The following CLASRP variants were observed in gnomAD, a reference collection of about 807,000 sequenced individuals.
The protein encoded by CLASRP is CLK4-associating serine/arginine rich protein.
A neutral mutation model predicts 99.9 loss-of-function variants in CLASRP; 52 were observed. The observed-to-expected ratio is 0.52, with a 90% CI of 0.42 to 0.66. CLASRP has a LOEUF of 0.66. Among genes scored for constraint, CLASRP ranks in the 30% least tolerant of loss-of-function variants. The pLI, the probability that CLASRP is intolerant of heterozygous loss-of-function variation, is 0.00. For synonymous variants in CLASRP, 379 were observed against 373.0 expected, an observed-to-expected ratio of 1.02 and a Z score of -0.18; for missense variants, 848 against 999.2, an observed-to-expected ratio of 0.85 and a Z score of 2.04.
At position 45,040,564 on chromosome 19, in the gene CLASRP, T is replaced by A. The variant is rs113409053; in HGVS notation, c.99+253T>A. 1,725 of 379,572 alleles carry A rather than the reference T, an allele frequency of 4.5e-3. 27 individuals carry two copies. Among genetic ancestry groups the A allele is most frequent in the African/African-American group, 0.033 (1,593 of 48,194 alleles). 23.5% of individuals were successfully genotyped at this position (379,572 alleles called of 1,614,324 possible). ...TTAGCAAGAAAAAGGGAAGTCTCTG[T>A]AACCCTCAGAGCAGTCCTGACGTTA... On this transcript the variant is annotated intron_variant, in intron 2 of 20. Coordinates refer to ENST00000221455, the MANE Select transcript of CLASRP (RefSeq NM_007056.3).
chr19:45,051,014 C>T (rs538406352), intron 2 of CLASRP, among the ~76,000 whole-genome samples: 4 of 151,812 alleles, frequency 2.6e-5, no homozygotes, highest in Admixed American at 2.0e-4. Context: ...CCACTATGCC[C>T]GACCCACTGC....
chr19:45,056,646 G>A, intron 6 of CLASRP, 112 bp downstream of exon 6: 4 of 852,202 alleles, frequency 4.7e-6, no homozygotes, highest in Non-Finnish European at 7.8e-6. Flanking sequence ...ACCAAGGATG[G>A]TGTTCAGCAC....
intron 11 of CLASRP, 102 bp from the exon 12 acceptor site, chr19:45,063,910 C>T (rs543652962): frequency 4.8e-6 from 7 of 1,458,404 alleles, no homozygotes; most frequent in Admixed American, 5.0e-5. Context: ...TTTCCCGGGT[C>T]GCTGTGGCCC....
At chr19:45,047,463 C>G (rs1047587188) in intron 2 of CLASRP, 3 of 148,364 alleles carry the variant, frequency 2.0e-5, no homozygotes, top group African/African-American at 5.0e-5. Context: ...GAAGGGAGCT[C>G]ACTTCGGCAG....
intron 10 of CLASRP, among the ~76,000 whole-genome samples, chr19:45,061,921 TCA>T (rs1260172488): frequency 6.6e-6 from 1 of 151,018 alleles, no homozygotes; most frequent in East Asian, 1.9e-4. Flanking sequence ...TCCAAGTTCC[TCA>T]GAGTCATGAT....
Position 45,060,509 on chromosome 19 carries a change from C to A in CLASRP, c.789+42C>A, listed in dbSNP as rs1312969308. ...AGTGGAAGGGGACAGGGGTGTGTCA[C>A]AGGGAGGGCACCCCCTCACCAACCT... is the stretch of plus-strand genomic sequence containing the variant. On this transcript the variant is annotated intron_variant, in intron 9 of 20. Coordinates refer to ENST00000221455, the MANE Select transcript of CLASRP (RefSeq NM_007056.3). This position sits in a 1 kb window ranked among gnomAD's most constrained non-coding sequence, Gnocchi z 4.6. 2 of 1,612,746 alleles carry A rather than the reference C, an allele frequency of 1.2e-6. No individual in the cohort carries two copies. Among genetic ancestry groups the A allele is most frequent in the African/African-American group, 1.3e-5 (1 of 74,902 alleles).
In CLASRP at chr19:45,060,725, TGAGA is replaced by T. The variant is rs1966920682; in HGVS notation, c.863+99_863+102del. 3.1e-6 allele frequency: 3 copies of T among 972,224 alleles called. No homozygotes were observed. Among genetic ancestry groups the T allele is most frequent in the African/African-American group, 1.7e-5 (1 of 60,402 alleles). 60.2% of individuals were successfully genotyped at this position (972,224 alleles called of 1,614,324 possible). ...GCTCTTTGGAGGCAGGCATTTGACTTGAGAAAGGAGTCTTTCTAGTGGGGCGATG... is the reference window on the plus strand; with the variant it reads ...GCTCTTTGGAGGCAGGCATTTGACTTAAGGAGTCTTTCTAGTGGGGCGATG... On this transcript the variant is annotated intron_variant, in intron 10 of 20. Transcript: ENST00000221455. This position sits in a 1 kb window ranked among gnomAD's most constrained non-coding sequence, Gnocchi z 4.6.
Position 45,067,699 on chromosome 19 carries a change from T to G in CLASRP, c.1667+105T>G. 1 of 1,105,194 alleles carries G rather than the reference T, an allele frequency of 9.0e-7. No homozygotes were observed. The highest frequency in any genetic ancestry group is 1.3e-6 in the Non-Finnish European group (1 of 783,242). 68.5% of individuals were successfully genotyped at this position (1,105,194 alleles called of 1,614,324 possible). ...GAACTTAGCCCTACCCTGGGAGGTC[T>G]GGGGGGTGGTGTATGGCCCTGGCCT... On this transcript the variant is annotated intron_variant, in intron 14 of 20. Coordinates refer to ENST00000221455, the MANE Select transcript of CLASRP (RefSeq NM_007056.3). The surrounding 1 kb of genome is among the most constrained non-coding windows in gnomAD (Gnocchi z 4.9).
chr19:45,070,702 C>A, intron 20 of CLASRP, 101 bp from the exon 21 acceptor site: 2 of 1,304,554 alleles, frequency 1.5e-6, no homozygotes, highest in Non-Finnish European at 2.2e-6. Context: ...GAACATCCTT[C>A]CCTCCACAGA....
chr19:45,058,010 A>T, intron 7 of CLASRP, 112 bp downstream of exon 7: 1 of 1,379,568 alleles, frequency 7.2e-7, no homozygotes, highest in South Asian at 1.4e-5. Flanking sequence ...CTCTCTCCCT[A>T]CCCCGCCCCA....
intron 11 of CLASRP, 55 bp downstream of exon 11, chr19:45,062,250 CAG>C (rs1966957170): frequency 2.0e-6 from 2 of 1,004,008 alleles, no homozygotes; most frequent in East Asian, 2.4e-5. Flanking sequence ...CTGATGGGGA[CAG>C]GGGTGCTGAG....
Position 45,064,397 on chromosome 19 carries a change from C to T in CLASRP, c.1176C>T (p.Ser392=), listed in dbSNP as rs1433665647. The change falls in exon 13 of 21, where the codon TCC becomes TCT. Residue 392 remains serine, a synonymous_variant. Transcript: ENST00000221455. ...SSSSASRTSS[S]RSSSRSSSRS... ...CTTCTGCCTCGAGGACCTCCAGCTC[C>T]CGCTCCAGCTCTCGCTCCAGCTCCC... is the stretch of plus-strand genomic sequence containing the variant. The T allele has an allele frequency of 1.3e-6, 2 of 1,531,650 alleles. No individual in the cohort carries two copies. The highest frequency in any genetic ancestry group is 1.8e-6 in the Non-Finnish European group (2 of 1,142,366). 94.9% of individuals were successfully genotyped at this position (1,531,650 alleles called of 1,614,324 possible).
At chr19:45,047,495 G>A (rs76182570) in intron 2 of CLASRP, 1 of 150,934 alleles carries the variant, frequency 6.6e-6, no homozygotes, top group Non-Finnish European at 1.5e-5. Context: ...AAATTGGAAC[G>A]ATACGGGGAT....
In CLASRP at chr19:45,060,648, C is replaced by A. The variant is rs542242453; in HGVS notation, c.863+21C>A. ...CCCAGGTAGGGCTTCTCCCTGAACC[C>A]CCACCCTGCTGGCATCTGGGGGAGG... On this transcript the variant is annotated intron_variant, in intron 10 of 20. Transcript: ENST00000221455. This position sits in a 1 kb window ranked among gnomAD's most constrained non-coding sequence, Gnocchi z 4.6. 15 of 1,550,476 alleles carry A rather than the reference C, an allele frequency of 9.7e-6. No homozygotes were observed. In the South Asian group the frequency reaches 1.8e-4, roughly 18 times the overall value.
intron 10 of CLASRP, among the ~76,000 whole-genome samples, chr19:45,061,292 C>T (rs370598302): frequency 2.6e-5 from 4 of 152,190 alleles, no homozygotes; most frequent in African/African-American, 7.2e-5. Flanking sequence ...TAGCACCAAT[C>T]GTCATTGCTG....
chr19:45,061,785 T>TATC lies in CLASRP; in HGVS notation c.864-345_864-343dup, dbSNP rs553847506. On this transcript the variant is annotated intron_variant, in intron 10 of 20. Transcript: ENST00000221455. ...CACCGCACCCAGCCTATTTTAATCT[T>TATC]ATCATCATCATCATCATCATCATCA... is the stretch of plus-strand genomic sequence containing the variant. Among the ~76,000 whole-genome samples, 241 of 151,472 alleles carry TATC rather than the reference T, an allele frequency of 1.6e-3. 1 individual carries two copies. Among genetic ancestry groups the TATC allele is most frequent in the African/African-American group, 4.7e-3 (195 of 41,264 alleles).
intron 2 of CLASRP, among the ~76,000 whole-genome samples, chr19:45,047,184 A>C (rs886512462): frequency 4.6e-5 from 7 of 152,316 alleles, no homozygotes; most frequent in African/African-American, 1.7e-4. Context: ...ACGCAATATT[A>C]TTCAATCTTA....
intron 7 of CLASRP, chr19:45,058,323 C>T (rs766410145): frequency 5.2e-5 from 9 of 173,710 alleles, no homozygotes; most frequent in Non-Finnish European, 1.1e-4. Flanking sequence ...CTGATCAAAC[C>T]ACCCCCAAGT....
chr19:45,063,601 C>T (rs1291067975), intron 11 of CLASRP, among the ~76,000 whole-genome samples: 1 of 151,668 alleles, frequency 6.6e-6, no homozygotes, highest in East Asian at 1.9e-4. Flanking sequence ...TGCGCGCCAC[C>T]ATGCTCGGCA....
Sources: allele counts gnomAD v4.1 joint callset (sites outside exome capture counted in the v4.1 genomes callset), GRCh38; gene constraint gnomAD v4.1.1; non-coding constraint Gnocchi (gnomAD v3.1); transcripts MANE v1.5; gene names NCBI Gene and HGNC (gene_info 2026-07-23, HGNC 2026-07-21).